Variants in DISC1 observed in about 807,000 individuals in gnomAD.
The protein encoded by DISC1 is DISC1 scaffold protein, also known as disrupted in schizophrenia 1 protein.
A neutral mutation model predicts 84.5 loss-of-function variants in DISC1; 57 were observed. The ratio of observed to expected loss-of-function variants is 0.67; its 90% CI spans 0.55 to 0.84. The LOEUF (loss-of-function observed/expected upper bound fraction) is 0.84, where lower values mean the gene tolerates loss of function less well. Among genes scored for constraint, DISC1 ranks in the 40% least tolerant of loss-of-function variants. The pLI, the probability that DISC1 is intolerant of heterozygous loss-of-function variation, is 0.00. For missense variants in DISC1, 1,000 were observed against 1,057.8 expected, an observed-to-expected ratio of 0.95 and a Z score of 0.76; for synonymous variants, 411 against 415.2, an observed-to-expected ratio of 0.99 and a Z score of 0.12.
In DISC1 at chr1:231,630,498, T is replaced by C. The variant is rs2058629343; in HGVS notation, c.67+3564T>C. 6.6e-6 allele frequency among the ~76,000 whole-genome samples: 1 copy of C among 152,024 alleles called. No homozygotes were observed. On this transcript the variant is annotated intron_variant, in intron 1 of 12. Coordinates refer to ENST00000439617, the MANE Select transcript of DISC1 (RefSeq NM_018662.3). The surrounding 1 kb of genome is among the most constrained non-coding windows in gnomAD (Gnocchi z 4.4). ...ATAATAATGATGGTAATTGAGTTTA[T>C]ATGCTGTGTTCTCATGAATCCAAGC...
At chr1:231,765,493 A>G (rs2076105596) in intron 4 of DISC1, among the ~76,000 whole-genome samples, 1 of 152,188 alleles carries the variant, frequency 6.6e-6, no homozygotes, top group Admixed American at 6.5e-5. Context: ...GTGTAGCAAT[A>G]TATTTTTCCC....
At chr1:231,958,634 C>T (rs368038668) in intron 9 of DISC1, among the ~76,000 whole-genome samples, 194 bp from the exon 10 acceptor site, 1 of 152,356 alleles carries the variant, frequency 6.6e-6, no homozygotes, top group Non-Finnish European at 1.5e-5. Context: ...CAGAGACACT[C>T]AGAGCCCCGG....
intron 10 of DISC1, among the ~76,000 whole-genome samples, chr1:231,979,294 C>T (rs549999855): frequency 6.6e-5 from 10 of 151,822 alleles, no homozygotes; most frequent in Admixed American, 3.3e-4. Context: ...AAATGTAATG[C>T]GTTTGAATCA....
intron 9 of DISC1, among the ~76,000 whole-genome samples, chr1:231,823,860 A>G (rs2081668994): frequency 6.6e-6 from 1 of 151,532 alleles, no homozygotes; most frequent in East Asian, 1.9e-4. Context: ...CCACATACAC[A>G]TTTTAGATAT....
intron 10 of DISC1, among the ~76,000 whole-genome samples, chr1:231,997,315 T>C (rs949485224): frequency 3.9e-5 from 6 of 152,214 alleles, no homozygotes; most frequent in African/African-American, 1.2e-4. Flanking sequence ...AGGAAAGTTA[T>C]AAGCTAGGCT....
At chr1:231,819,048 G>T in intron 9 of DISC1, 5 of 988,268 alleles carry the variant, frequency 5.1e-6, no homozygotes, top group Non-Finnish European at 6.0e-6. Context: ...AAGTGTTCCT[G>T]TGTTCTTTCC....
At chr1:231,958,804 T>C (rs756411845) in intron 9 of DISC1, 24 bp from the exon 10 acceptor site, 1 of 1,610,558 alleles carries the variant, frequency 6.2e-7, no homozygotes, top group South Asian at 1.1e-5. Flanking sequence ...TGCATTAACT[T>C]TGGATTTCCT....
chr1:232,030,502 A>G (rs915610693), intron 12 of DISC1, among the ~76,000 whole-genome samples: 7 of 152,112 alleles, frequency 4.6e-5, no homozygotes, highest in Non-Finnish European at 5.9e-5. Context: ...TTGTGGTTGT[A>G]TTTACATCCA....
chr1:231,810,731 G>T (rs547250336), intron 8 of DISC1, among the ~76,000 whole-genome samples: 1 of 152,206 alleles, frequency 6.6e-6, no homozygotes, highest in East Asian at 1.9e-4. Flanking sequence ...TTGGTCAGGG[G>T]ACCATATTTG....
chr1:231,844,157 A>G (rs1445126347), intron 9 of DISC1, among the ~76,000 whole-genome samples: 1 of 152,182 alleles, frequency 6.6e-6, no homozygotes, highest in Non-Finnish European at 1.5e-5. Flanking sequence ...TTAGGGACAC[A>G]CTAACTCTTT....
chr1:231,845,619 G>A (rs1047771770), intron 9 of DISC1, among the ~76,000 whole-genome samples: 2 of 152,236 alleles, frequency 1.3e-5, no homozygotes, highest in Non-Finnish European at 2.9e-5. Context: ...AGCACGCCAG[G>A]CTGGGGGTTT....
At chr1:231,674,022 C>T (rs1403510447) in intron 1 of DISC1, among the ~76,000 whole-genome samples, 1 of 152,154 alleles carries the variant, frequency 6.6e-6, no homozygotes, top group East Asian at 1.9e-4. Context: ...GGATCTAGTC[C>T]TGGAGCTAGC....
chr1:231,740,671 G>T (rs1464012414), intron 3 of DISC1, among the ~76,000 whole-genome samples: 1 of 152,122 alleles, frequency 6.6e-6, no homozygotes, highest in Non-Finnish European at 1.5e-5. Context: ...ATTTTGGGGG[G>T]TTTTAGAGTA....
rs1009353348 is a variant in DISC1 at position 231,706,568 on chromosome 1, T to C, written c.1117+4544T>C. ...TTTGGGAACTCAGCATTTCAGTGAC[T>C]TATATCAATGTGACATATAGAGCAG... On this transcript the variant is annotated intron_variant, in intron 3 of 12. Transcript: ENST00000439617. 2.6e-4 allele frequency among the ~76,000 whole-genome samples: 39 copies of C among 152,260 alleles called. 1 individual carries two copies. The highest frequency in any genetic ancestry group is 4.4e-5 in the Non-Finnish European group (3 of 68,048).
chr1:231,634,159 C>T (rs2058989920), intron 1 of DISC1, among the ~76,000 whole-genome samples: 1 of 152,154 alleles, frequency 6.6e-6, no homozygotes, highest in African/African-American at 2.4e-5. Context: ...GCTGGGATTA[C>T]AGGAGTGAGC....
At chr1:231,684,313 T>C (rs914633959) in intron 1 of DISC1, among the ~76,000 whole-genome samples, 4 of 152,150 alleles carry the variant, frequency 2.6e-5, no homozygotes, top group Admixed American at 2.6e-4. Flanking sequence ...CTTGAAAAAG[T>C]ATTATCAAAT....
At chr1:231,791,000 C>T (rs200502162) in intron 6 of DISC1, among the ~76,000 whole-genome samples, 13 of 152,160 alleles carry the variant, frequency 8.5e-5, no homozygotes, top group Non-Finnish European at 1.6e-4. Flanking sequence ...GTGACAGGCA[C>T]CTTTGCATTT....
At chr1:231,727,780 G>A (rs2070936336) in intron 3 of DISC1, among the ~76,000 whole-genome samples, 1 of 152,008 alleles carries the variant, frequency 6.6e-6, no homozygotes, top group Admixed American at 6.6e-5. Context: ...GAGTAAAGTG[G>A]CTCTTAGAGG....
At chr1:231,938,889 ACT>A (rs2091137043) in intron 9 of DISC1, among the ~76,000 whole-genome samples, 1 of 152,094 alleles carries the variant, frequency 6.6e-6, no homozygotes, top group African/African-American at 2.4e-5. Context: ...CATGTTAGAA[ACT>A]CTGCCAGCTG....
Sources: gnomAD v4.1 joint callset for allele counts (sites outside exome capture counted in the v4.1 genomes callset) on GRCh38, gnomAD v4.1.1 for gene constraint, Gnocchi (gnomAD v3.1) non-coding constraint, MANE v1.5 for transcripts, NCBI Gene and HGNC (gene_info 2026-07-23, HGNC 2026-07-21) for gene names.